Variants in MEI4 observed in about 807,000 individuals in gnomAD.
The protein encoded by MEI4 is meiosis-specific protein MEI4.
MEI4 carries 27 observed loss-of-function variants against 31.4 expected under a neutral mutation model. The observed-to-expected ratio is 0.86, with a 90% CI of 0.63 to 1.19. MEI4 has a LOEUF of 1.19. Among genes scored for constraint, MEI4 ranks in the 50% most tolerant of loss-of-function variants. The probability of loss-of-function intolerance (pLI) is 0.00; values close to 1 mark genes in which losing one functional copy is unlikely to be tolerated. For missense variants in MEI4, 329 were observed against 398.9 expected (o/e 0.82, Z 1.49); for synonymous variants, 122 against 145.4 (o/e 0.84, Z 1.16).
chr6:77,897,547 GT>G lies in MEI4; in HGVS notation c.901-25541del, dbSNP rs1365902550. On this transcript the variant is annotated intron_variant, in intron 4 of 4. Coordinates refer to ENST00000684080, the MANE Select transcript of MEI4 (RefSeq NM_001322247.2). ...ATATATATCTTTCACAAATACTTAT[GT>G]ACACAACGTTCATACTTGTTGAACT... is the stretch of plus-strand genomic sequence containing the variant. Among the ~76,000 whole-genome samples the G allele has an allele frequency of 2.6e-5, 4 of 151,796 alleles. No individual in the cohort carries two copies. The East Asian group carries it at 7.8e-4, about 29-fold the overall frequency.
intron 2 of MEI4, among the ~76,000 whole-genome samples, chr6:77,731,019 G>A (rs1487589148): frequency 1.3e-5 from 2 of 151,734 alleles, no homozygotes; most frequent in Non-Finnish European, 2.9e-5. Context: ...TCTTAATCCA[G>A]TCTATTGTTG....
chr6:77,815,888 A>AG, intron 3 of MEI4, among the ~76,000 whole-genome samples: 1 of 147,546 alleles, frequency 6.8e-6, no homozygotes, highest in Non-Finnish European at 1.5e-5. Context: ...CCTTAGACCA[A>AG]GAAAAAAAAA....
intron 2 of MEI4, among the ~76,000 whole-genome samples, chr6:77,698,071 A>G (rs1296155016): frequency 1.3e-5 from 2 of 152,120 alleles, no homozygotes; most frequent in African/African-American, 2.4e-5. Context: ...CTGTTTTATC[A>G]GAGACTAGGA....
intron 2 of MEI4, among the ~76,000 whole-genome samples, chr6:77,708,034 G>C (rs1171545583): frequency 6.6e-6 from 1 of 152,212 alleles, no homozygotes; most frequent in African/African-American, 2.4e-5. Context: ...TGGGATTGGA[G>C]CTCCCACACA....
At chr6:77,906,456 A>C (rs1305240283) in intron 4 of MEI4, among the ~76,000 whole-genome samples, 2 of 152,290 alleles carry the variant, frequency 1.3e-5, no homozygotes, top group Non-Finnish European at 1.5e-5. Flanking sequence ...AGGTTGATGA[A>C]GATTGCATGT....
At chr6:77,852,490 T>G (rs1770648123) in intron 4 of MEI4, among the ~76,000 whole-genome samples, 2 of 152,176 alleles carry the variant, frequency 1.3e-5, no homozygotes, top group African/African-American at 4.8e-5. Context: ...TTCACACTCA[T>G]ATAACAAAAT....
intron 2 of MEI4, among the ~76,000 whole-genome samples, chr6:77,697,891 G>A (rs1013431453): frequency 1.3e-5 from 2 of 152,122 alleles, no homozygotes; most frequent in African/African-American, 2.4e-5. Flanking sequence ...TTATTATTGT[G>A]TGGGAGACTA....
At chr6:77,843,140 G>A (rs998822885) in intron 4 of MEI4, among the ~76,000 whole-genome samples, 2 of 150,728 alleles carry the variant, frequency 1.3e-5, no homozygotes, top group Non-Finnish European at 3.0e-5. Context: ...GTAGAGTACA[G>A]TGAAATGTTA....
At chr6:77,911,743 T>C (rs1766440016) in intron 4 of MEI4, among the ~76,000 whole-genome samples, 1 of 148,398 alleles carries the variant, frequency 6.7e-6, no homozygotes, top group African/African-American at 2.4e-5. Flanking sequence ...AATATATATA[T>C]ATATAAATAC....
At chr6:77,706,053 C>T (rs1271169983) in intron 2 of MEI4, among the ~76,000 whole-genome samples, 2 of 152,098 alleles carry the variant, frequency 1.3e-5, no homozygotes, top group Admixed American at 6.6e-5. Flanking sequence ...CCTTTCTGAC[C>T]TTCTCCCCTT....
chr6:77,905,240 C>G (rs1254431724), intron 4 of MEI4, among the ~76,000 whole-genome samples: 1 of 151,926 alleles, frequency 6.6e-6, no homozygotes, highest in Non-Finnish European at 1.5e-5. Flanking sequence ...TATACATCAT[C>G]TCTCTCTTCT....
At chr6:77,902,004 C>A (rs1766196937) in intron 4 of MEI4, among the ~76,000 whole-genome samples, 1 of 151,958 alleles carries the variant, frequency 6.6e-6, no homozygotes, top group African/African-American at 2.4e-5. Context: ...TTTGGGAAAG[C>A]AATTGACCAT....
chr6:77,682,652 T>C (rs1392372163), intron 1 of MEI4, among the ~76,000 whole-genome samples: 1 of 152,186 alleles, frequency 6.6e-6, no homozygotes, highest in South Asian at 2.1e-4. Context: ...AGCCCTGTGA[T>C]TGTAAGACCT....
intron 4 of MEI4, among the ~76,000 whole-genome samples, chr6:77,911,545 T>C (rs1298635801): frequency 1.3e-5 from 2 of 151,892 alleles, no homozygotes; most frequent in African/African-American, 4.8e-5. Flanking sequence ...TCCACTTATA[T>C]GTGAAAATGT....
At chr6:77,883,924 A>T (rs1771561083) in intron 4 of MEI4, among the ~76,000 whole-genome samples, 1 of 151,494 alleles carries the variant, frequency 6.6e-6, no homozygotes. Flanking sequence ...TTGTACTTTC[A>T]GGGTTTTTTT....
rs181528031 is a variant in MEI4, at chr6:77,738,901, G to T, written c.233-22229G>T. Among the ~76,000 whole-genome samples, 213 of 152,266 alleles carry T rather than the reference G, an allele frequency of 1.4e-3. 1 individual carries two copies. Among genetic ancestry groups the T allele is most frequent in the African/African-American group, 4.5e-3 (187 of 41,548 alleles). ...GCATAAATGTCTTCTTTTGAAAAGT[G>T]TCTGTTCATATCCTTTGCCCACTTT... On this transcript the variant is annotated intron_variant, in intron 2 of 4. Coordinates refer to ENST00000684080, the MANE Select transcript of MEI4 (RefSeq NM_001322247.2).
At chr6:77,745,577 C>G (rs1426282044) in intron 2 of MEI4, among the ~76,000 whole-genome samples, 1 of 152,134 alleles carries the variant, frequency 6.6e-6, no homozygotes, top group Admixed American at 6.5e-5. Flanking sequence ...AGAAAGTTAA[C>G]AAGGATACCC....
At position 77,798,286 on chromosome 6, in the gene MEI4, T is replaced by C. The variant is rs117258872; in HGVS notation, c.769-30645T>C. ...AAAAATGAAAAAGCAAAACGGCAGG[T>C]CTAAATCCTAACGTATTGATTATTA... On this transcript the variant is annotated intron_variant, in intron 3 of 4. Transcript: ENST00000684080. 6.5e-3 allele frequency among the ~76,000 whole-genome samples: 980 copies of C among 151,426 alleles called. 3 individuals are homozygous for C. The highest frequency in any genetic ancestry group is 0.01 in the Non-Finnish European group (700 of 67,824).
At chr6:77,801,158 CT>C (rs1309500207) in intron 3 of MEI4, among the ~76,000 whole-genome samples, 2 of 152,138 alleles carry the variant, frequency 1.3e-5, no homozygotes, top group Admixed American at 6.5e-5. Context: ...TAATTATTGC[CT>C]CAATTTCAGA....
Sources: allele counts gnomAD v4.1 joint callset (sites outside exome capture counted in the v4.1 genomes callset), GRCh38; gene constraint gnomAD v4.1.1; transcripts MANE v1.5; gene names NCBI Gene and HGNC (gene_info 2026-07-23, HGNC 2026-07-21).